The following KNL1 variants were observed in gnomAD, a reference collection of about 807,000 sequenced individuals.
The protein encoded by KNL1 is outer kinetochore KNL1 complex subunit KNL1.
KNL1 carries 66 observed loss-of-function variants against 201.3 expected under a neutral mutation model. That is an observed-to-expected ratio of 0.33 (90% CI 0.27 to 0.40). The LOEUF (loss-of-function observed/expected upper bound fraction) is 0.40. KNL1 is among the 10% of genes least tolerant of loss of function. The pLI is 1.00. For synonymous variants in KNL1, 895 were observed against 899.2 expected (o/e 1.00, Z 0.08); for missense variants, 2,815 against 2,690.5 (o/e 1.05, Z -1.02).
At chr15:40,660,398 T>G (rs970353329) in intron 25 of KNL1, among the ~76,000 whole-genome samples, 1 of 151,842 alleles carries the variant, frequency 6.6e-6, no homozygotes, top group Admixed American at 6.6e-5. Flanking sequence ...CGGGCACAGT[T>G]GCTCACACCT....
In KNL1 at chr15:40,624,959, T is replaced by A; in HGVS notation, c.4695T>A (p.Asn1565Lys). ...HSIKPNLNNL[N>K]GKTGEFLAFQ... ...TCAAACCAAATCTGAATAATTTGAA[T>A]GGAAAAACTGGAGAGTTTTTAGCCT... Residue 1565 changes from asparagine (N) to lysine (K), a missense_variant, in exon 10 of 26, where the codon AAT becomes AAA. Physicochemically the swap from Asn to Lys is moderately conservative, Grantham distance 94. This residue lies in a region of KNL1 where 2,464 missense variants were observed against 2,291.7 expected (regional missense o/e 1.08). Coordinates refer to ENST00000399668, the MANE Select transcript of KNL1 (RefSeq NM_144508.5). 1 of 1,613,882 alleles carries A rather than the reference T, an allele frequency of 6.2e-7. No individual in the cohort carries two copies. The highest frequency in any genetic ancestry group is 8.5e-7 in the Non-Finnish European group (1 of 1,179,944).
At chr15:40,610,164 C>A in intron 5 of KNL1, 81 bp from the exon 6 acceptor site, 1 of 785,740 alleles carries the variant, frequency 1.3e-6, no homozygotes. Flanking sequence ...CTTGACCTAT[C>A]TCAACACAGA....
rs59648663 is a variant in KNL1 at position 40,621,757 on chromosome 15, T to A, written c.1493T>A (p.Ile498Asn). 2,969 of 1,613,862 alleles carry A rather than the reference T, an allele frequency of 1.8e-3. 59 individuals are homozygous for A. The African/African-American group carries it at 0.035, about 19-fold the overall frequency. The change falls in exon 10 of 26, where the codon ATT becomes AAT. Residue 498 changes from isoleucine to asparagine, a missense_variant. By Grantham distance (149) the Ile-to-Asn change is moderately radical. This residue lies in a region of KNL1 where 2,464 missense variants were observed against 2,291.7 expected (regional missense o/e 1.08). Coordinates refer to ENST00000399668, the MANE Select transcript of KNL1 (RefSeq NM_144508.5). ...CATACAGTTGCAATAGATAATCAAATTTTTAAACAAGATCAATCAAATGTG... is the reference window on the plus strand; with the variant it reads ...CATACAGTTGCAATAGATAATCAAAATTTTAAACAAGATCAATCAAATGTG... The part of the protein sequence containing the change: ...KSHTVAIDNQ[I>N]FKQDQSNVQI...
At chr15:40,637,731 A>G (rs982409846) in intron 13 of KNL1, among the ~76,000 whole-genome samples, 3 of 152,222 alleles carry the variant, frequency 2.0e-5, no homozygotes, top group African/African-American at 7.2e-5. Flanking sequence ...GCTTTGTTTC[A>G]TGCAGATTAT....
intron 11 of KNL1, 133 bp from the exon 12 acceptor site, chr15:40,628,478 C>G: frequency 1.5e-6 from 1 of 685,640 alleles, no homozygotes; most frequent in Non-Finnish European, 2.5e-6. Flanking sequence ...ATACTTTGCC[C>G]TGCTACATGA....
chr15:40,609,817 G>A (rs1892095869), intron 5 of KNL1, among the ~76,000 whole-genome samples: 1 of 152,112 alleles, frequency 6.6e-6, no homozygotes, highest in South Asian at 2.1e-4. Flanking sequence ...AACCTCTGCA[G>A]TAACAAATGG....
intron 9 of KNL1, among the ~76,000 whole-genome samples, chr15:40,619,986 A>G (rs559474375): frequency 3.3e-5 from 5 of 151,954 alleles, no homozygotes; most frequent in South Asian, 2.1e-4. Context: ...TTGGAGTGCA[A>G]TGGTGTGATC....
rs566202620 is a variant in KNL1 at position 40,618,657 on chromosome 15, A to C, written c.323-302A>C. ...CACTAACATAGGATAATTAAGTCTT[A>C]TGAAATTTTATATGTTCCCAACACA... On this transcript the variant is annotated intron_variant, in intron 8 of 25. Transcript: ENST00000399668. Among the ~76,000 whole-genome samples the C allele has an allele frequency of 2.0e-5, 3 of 152,330 alleles. No individual in the cohort carries two copies. In the East Asian group the frequency reaches 5.8e-4, roughly 29 times the overall value.
rs1049607116 is a variant in KNL1 at position 40,623,814 on chromosome 15, G to A, written c.3550G>A (p.Glu1184Lys). 8.7e-6 allele frequency: 14 copies of A among 1,613,344 alleles called. No homozygotes were observed. The highest frequency in any genetic ancestry group is 1.2e-5 in the Non-Finnish European group (14 of 1,179,776). The change falls in exon 10 of 26, where the codon GAA (glutamate) becomes AAA (lysine). Residue 1184 changes from glutamate (E) to lysine (K), a missense_variant. Around this residue, in one of 3 missense-constraint regions of KNL1, gnomAD observed 2,464 missense variants for 2,291.7 expected, o/e 1.08. Transcript: ENST00000399668. ...CTGTCAAGCCACAGAGAAAATACTT[G>A]AAGAAAACCCTAAATTTGGAATAGG... The part of the protein sequence containing the change: ...IDCQATEKIL[E>K]ENPKFGIGKG...
chr15:40,624,015 G>A lies in KNL1; in HGVS notation c.3751G>A (p.Ala1251Thr). Reference protein sequence around the residue: ...TNEIIKFHSAAMDEKVIGKVV... With the variant: ...TNEIIKFHSATMDEKVIGKVV... Reference sequence around the variant, plus strand: ...TGAAATCATCAAATTTCATAGTGCTGCTATGGATGAAAAGGTCATAGGGAA... The same window carrying A: ...TGAAATCATCAAATTTCATAGTGCTACTATGGATGAAAAGGTCATAGGGAA... The change falls in exon 10 of 26, where the codon GCT (alanine) becomes ACT (threonine). Residue 1251 changes from alanine (A) to threonine (T), a missense_variant. By Grantham distance (58) the Ala-to-Thr change is moderately conservative. Coordinates refer to ENST00000399668, the MANE Select transcript of KNL1 (RefSeq NM_144508.5). 1 of 1,613,954 alleles carries A rather than the reference G, an allele frequency of 6.2e-7. No homozygotes were observed. Among genetic ancestry groups the A allele is most frequent in the East Asian group, 2.2e-5 (1 of 44,870 alleles).
chr15:40,660,442 G>A (rs1193947455), intron 25 of KNL1, among the ~76,000 whole-genome samples: 1 of 151,636 alleles, frequency 6.6e-6, no homozygotes, highest in East Asian at 2.0e-4. Flanking sequence ...CGAGGTAGGT[G>A]GATCACGAGG....
Position 40,625,099 on chromosome 15 carries a change from C to A in KNL1, c.4835C>A (p.Ser1612Tyr). 6.2e-7 allele frequency: 1 copy of A among 1,613,810 alleles called. No individual in the cohort carries two copies. Among genetic ancestry groups the A allele is most frequent in the Non-Finnish European group, 8.5e-7 (1 of 1,179,900 alleles). ...GAAATACATAATATTAACATAATCT[C>A]CAGCAATGCTAAAGATAGTAGAGAT... ...ATEIHNINII[S>Y]SNAKDSRDEE... The change falls in exon 10 of 26, where the codon TCC becomes TAC. Residue 1612 changes from serine (S) to tyrosine (Y), a missense_variant. By Grantham distance (144) the Ser-to-Tyr change is moderately radical. This residue lies in a region of KNL1 where 2,464 missense variants were observed against 2,291.7 expected (regional missense o/e 1.08). Coordinates refer to ENST00000399668, the MANE Select transcript of KNL1 (RefSeq NM_144508.5).
chr15:40,610,138 A>G, intron 5 of KNL1, 107 bp from the exon 6 acceptor site: 2 of 632,296 alleles, frequency 3.2e-6, no homozygotes, highest in Non-Finnish European at 5.6e-6. Flanking sequence ...AGAGGAAGCT[A>G]AAATCAAAGT....
chr15:40,654,651 C>T (rs777431780), intron 21 of KNL1, among the ~76,000 whole-genome samples: 29 of 151,394 alleles, frequency 1.9e-4, no homozygotes, highest in Admixed American at 1.5e-3. Context: ...AGGCGGATCA[C>T]GAGGTCAGGA....
chr15:40,631,614 C>T (rs1030559174), intron 13 of KNL1, among the ~76,000 whole-genome samples: 15 of 151,976 alleles, frequency 9.9e-5, no homozygotes, highest in Admixed American at 1.3e-4. Context: ...CGTGCCCAGC[C>T]AAGATATTAA....
chr15:40,641,830 G>A (rs1210244749), intron 14 of KNL1, among the ~76,000 whole-genome samples: 2 of 152,134 alleles, frequency 1.3e-5, no homozygotes, highest in South Asian at 2.1e-4. Flanking sequence ...CCACATTTAC[G>A]CTTGTTTACA....
intron 13 of KNL1, 94 bp downstream of exon 13, chr15:40,629,465 AG>A: frequency 6.7e-5 from 14 of 207,416 alleles, no homozygotes; most frequent in South Asian, 1.6e-4. Flanking sequence ...TCCTATAGAG[AG>A]TTTTCTTTTT....
chr15:40,635,026 G>A (rs901030278), intron 13 of KNL1, among the ~76,000 whole-genome samples: 38 of 151,692 alleles, frequency 2.5e-4, no homozygotes, highest in African/African-American at 8.2e-4. Context: ...AATGAGGTTC[G>A]TGGCTGTGGG....
intron 13 of KNL1, among the ~76,000 whole-genome samples, chr15:40,640,609 T>C (rs931573808): frequency 6.6e-6 from 1 of 152,102 alleles, no homozygotes; most frequent in Non-Finnish European, 1.5e-5. Context: ...AAAAAGGGGT[T>C]CCTGGTAAGT....
Sources: allele counts gnomAD v4.1 joint callset (sites outside exome capture counted in the v4.1 genomes callset), GRCh38; gene constraint gnomAD v4.1.1; regional missense constraint gnomAD v4.1.1; transcripts MANE v1.5; gene names NCBI Gene and HGNC (gene_info 2026-07-23, HGNC 2026-07-21).